The following SPRED1 variants were observed in gnomAD, a reference collection of about 807,000 sequenced individuals.
SPRED1 encodes sprouty-related, EVH1 domain-containing protein 1.
SPRED1 carries 18 observed loss-of-function variants against 52.3 expected under a neutral mutation model. The ratio of observed to expected loss-of-function variants is 0.34; its 90% CI spans 0.24 to 0.51. SPRED1 has a LOEUF of 0.51. Among genes scored for constraint, SPRED1 ranks in the 20% least tolerant of loss-of-function variants. SPRED1 has a pLI of 0.97. For missense variants in SPRED1, 485 were observed against 551.0 expected (o/e 0.88, Z 1.20); for synonymous variants, 155 against 179.7 (o/e 0.86, Z 1.10).
In SPRED1 at chr15:38,318,435, T is replaced by C. The variant is rs76016019; in HGVS notation, c.208-3806T>C. Among the ~76,000 whole-genome samples the C allele has an allele frequency of 9.6e-3, 1,463 of 152,270 alleles. 11 individuals are homozygous for C. Among genetic ancestry groups the C allele is most frequent in the Non-Finnish European group, 0.013 (909 of 67,994 alleles). ...TCCTCAGTGCATTTTAAAGCTCATTTTTATTGATTTATTTACAATTTCATC... is the reference window on the plus strand; with the variant it reads ...TCCTCAGTGCATTTTAAAGCTCATTCTTATTGATTTATTTACAATTTCATC... On this transcript the variant is annotated intron_variant, in intron 2 of 6. Transcript: ENST00000299084.
At chr15:38,265,586 A>C (rs1894291300) in intron 1 of SPRED1, among the ~76,000 whole-genome samples, 1 of 152,062 alleles carries the variant, frequency 6.6e-6, no homozygotes, top group South Asian at 2.1e-4. Context: ...ACTAGTCTTG[A>C]GTAGGTTAAT....
At chr15:38,286,014 A>G (rs746140264) in intron 1 of SPRED1, among the ~76,000 whole-genome samples, 3 of 151,946 alleles carry the variant, frequency 2.0e-5, no homozygotes, top group Non-Finnish European at 4.4e-5. Context: ...GAGGCCAAGG[A>G]GGGAGGTTTG....
chr15:38,264,771 A>T (rs1894273016), intron 1 of SPRED1, among the ~76,000 whole-genome samples: 1 of 152,092 alleles, frequency 6.6e-6, no homozygotes, highest in Non-Finnish European at 1.5e-5. Context: ...GTTGAAGAAA[A>T]GGGTATTGGG....
intron 1 of SPRED1, among the ~76,000 whole-genome samples, chr15:38,274,344 C>A (rs919555756): frequency 6.6e-6 from 1 of 152,132 alleles, no homozygotes; most frequent in South Asian, 2.1e-4. Flanking sequence ...TCTTGCAGCA[C>A]CAGAGTCGGA....
intron 1 of SPRED1, among the ~76,000 whole-genome samples, chr15:38,290,708 C>G (rs1157425484): frequency 6.6e-6 from 1 of 152,114 alleles, no homozygotes; most frequent in Non-Finnish European, 1.5e-5. Flanking sequence ...AGTGGAAACC[C>G]CTCATAAACC....
At chr15:38,260,974 AT>A in intron 1 of SPRED1, among the ~76,000 whole-genome samples, 1 of 152,312 alleles carries the variant, frequency 6.6e-6, no homozygotes, top group East Asian at 1.9e-4. Flanking sequence ...GTGGCTGCAA[AT>A]TTTTAAGAAC....
chr15:38,307,034 A>G (rs113327982), intron 2 of SPRED1, among the ~76,000 whole-genome samples: 2 of 152,202 alleles, frequency 1.3e-5, no homozygotes, highest in African/African-American at 4.8e-5. Flanking sequence ...CATCCTTTCC[A>G]TTATCTTCCA....
intron 1 of SPRED1, among the ~76,000 whole-genome samples, chr15:38,266,726 G>A (rs982842431): frequency 2.0e-5 from 3 of 152,110 alleles, no homozygotes; most frequent in Middle Eastern, 3.2e-3. Context: ...GGAGAGTGGC[G>A]AGAGATGGAT....
Position 38,255,470 on chromosome 15 carries a change from C to A in SPRED1, c.32+2253C>A, listed in dbSNP as rs539471732. On this transcript the variant is annotated intron_variant, in intron 1 of 6. Coordinates refer to ENST00000299084, the MANE Select transcript of SPRED1 (RefSeq NM_152594.3). ...TAGCATAATATTTTGGTAAACTCTT[C>A]ATGGGAACAAAATCTTGGGGGTTTT... is the stretch of plus-strand genomic sequence containing the variant. Among the ~76,000 whole-genome samples, 4 of 152,160 alleles carry A rather than the reference C, an allele frequency of 2.6e-5. No homozygotes were observed. The South Asian group carries it at 8.3e-4, about 32-fold the overall frequency.
intron 4 of SPRED1, among the ~76,000 whole-genome samples, 158 bp downstream of exon 4, chr15:38,324,967 C>T (rs1174005841): frequency 6.6e-6 from 1 of 152,176 alleles, no homozygotes; most frequent in African/African-American, 2.4e-5. Context: ...GAGCATCCCT[C>T]ATCTGAAAAT....
At chr15:38,315,702 A>G (rs75542514) in intron 2 of SPRED1, among the ~76,000 whole-genome samples, 242 of 151,992 alleles carry the variant, frequency 1.6e-3, no homozygotes, top group Non-Finnish European at 2.5e-3. Flanking sequence ...TACTCACATA[A>G]GTTCTTTGAA....
chr15:38,308,633 A>C (rs1411735937), intron 2 of SPRED1, among the ~76,000 whole-genome samples: 2 of 152,142 alleles, frequency 1.3e-5, no homozygotes, highest in Admixed American at 6.5e-5. Flanking sequence ...TTTCATGATC[A>C]TTCTCCGAGG....
intron 4 of SPRED1, among the ~76,000 whole-genome samples, chr15:38,338,310 T>TTC (rs1555391955): frequency 1.3e-5 from 2 of 150,334 alleles, no homozygotes; most frequent in Admixed American, 6.6e-5. Context: ...TTTGTTTTTT[T>TTC]TCTCCCAGTA....
At chr15:38,323,250 T>C (rs368938864) in intron 3 of SPRED1, among the ~76,000 whole-genome samples, 104 of 152,282 alleles carry the variant, frequency 6.8e-4, no homozygotes, top group African/African-American at 2.4e-3. Context: ...CAAATCTGTT[T>C]TGATAGTGCA....
intron 1 of SPRED1, among the ~76,000 whole-genome samples, chr15:38,271,097 C>T (rs1894424574): frequency 1.3e-5 from 2 of 152,030 alleles, no homozygotes; most frequent in Admixed American, 6.6e-5. Context: ...AATTATTGAG[C>T]GACAAAGTCA....
chr15:38,351,125 A>T lies in SPRED1; in HGVS notation c.796A>T (p.Met266Leu), dbSNP rs1340143366. The T allele has an allele frequency of 6.2e-7, 1 of 1,614,126 alleles. No individual in the cohort carries two copies. The highest frequency in any genetic ancestry group is 8.5e-7 in the Non-Finnish European group (1 of 1,180,000). ...RRYADYRHPDMWKNDLERDDA... is the reference protein window; with the variant it reads ...RRYADYRHPDLWKNDLERDDA... The stretch of plus-strand genomic sequence containing the variant: ...CTATGCAGACTACAGACATCCTGAC[A>T]TGTGGAAAAATGACTTGGAAAGAGA... Residue 266 changes from methionine (M) to leucine (L), a missense_variant, in exon 7 of 7, where the codon ATG (methionine) becomes TTG (leucine). This residue lies in a region of SPRED1 where 205 missense variants were observed against 245.2 expected (regional missense o/e 0.84). Coordinates refer to ENST00000299084, the MANE Select transcript of SPRED1 (RefSeq NM_152594.3).
At chr15:38,326,067 A>C (rs1266176299) in intron 4 of SPRED1, 1 of 152,196 alleles carries the variant, frequency 6.6e-6, no homozygotes, top group Non-Finnish European at 1.5e-5. Flanking sequence ...AGTTTTAGTG[A>C]AGTTCCGAAG....
At chr15:38,325,299 T>G (rs1353103551) in intron 4 of SPRED1, among the ~76,000 whole-genome samples, 1 of 152,226 alleles carries the variant, frequency 6.6e-6, no homozygotes, top group Non-Finnish European at 1.5e-5. Flanking sequence ...TGTTATAAGG[T>G]GTATAAACAT....
At chr15:38,282,572 A>G (rs527238396) in intron 1 of SPRED1, among the ~76,000 whole-genome samples, 2 of 152,004 alleles carry the variant, frequency 1.3e-5, no homozygotes, top group Admixed American at 6.6e-5. Flanking sequence ...GGTATGTTTG[A>G]TTTACTCCAC....
Sources: allele counts gnomAD v4.1 joint callset (sites outside exome capture counted in the v4.1 genomes callset), GRCh38; gene constraint gnomAD v4.1.1; regional missense constraint gnomAD v4.1.1; transcripts MANE v1.5; gene names NCBI Gene and HGNC (gene_info 2026-07-23, HGNC 2026-07-21).